Variants in ANO2 observed in about 807,000 individuals in gnomAD.
ANO2 encodes anoctamin 2.
Under a neutral mutation model 124.2 loss-of-function variants are expected in ANO2, and 101 were observed. That is an observed-to-expected ratio of 0.81 (90% CI 0.69 to 0.96). The LOEUF (loss-of-function observed/expected upper bound fraction) is 0.96. Among genes scored for constraint, ANO2 ranks in the 40% least tolerant of loss-of-function variants. ANO2 has a pLI of 0.00. For synonymous variants in ANO2, 486 were observed against 482.5 expected (o/e 1.01, Z -0.09); for missense variants, 1,293 against 1,274.5 (o/e 1.01, Z -0.22).
intron 14 of ANO2, among the ~76,000 whole-genome samples, chr12:5,678,332 C>T (rs1016257487): frequency 1.3e-5 from 2 of 152,136 alleles, no homozygotes; most frequent in Non-Finnish European, 2.9e-5. Context: ...AAGGGCTGTC[C>T]AACCAGAGAT....
At chr12:5,802,471 GAGGC>G (rs1343071461) in intron 9 of ANO2, among the ~76,000 whole-genome samples, 3 of 152,214 alleles carry the variant, frequency 2.0e-5, no homozygotes, top group Non-Finnish European at 4.4e-5. Context: ...ACCTGCAGGG[GAGGC>G]AGGGAGGGAG....
At chr12:5,935,160 T>C (rs764505036) in intron 1 of ANO2, among the ~76,000 whole-genome samples, 4 of 152,226 alleles carry the variant, frequency 2.6e-5, no homozygotes, top group Non-Finnish European at 5.9e-5. Flanking sequence ...TCATATTGTA[T>C]AGACAGTGAG....
At chr12:5,924,626 T>C (rs1415380420) in intron 1 of ANO2, among the ~76,000 whole-genome samples, 1 of 152,212 alleles carries the variant, frequency 6.6e-6, no homozygotes, top group Non-Finnish European at 1.5e-5. Flanking sequence ...ACGCTGCCTT[T>C]CCTTTTGTTC....
chr12:5,847,256 C>G (rs1283656948), intron 4 of ANO2, among the ~76,000 whole-genome samples: 2 of 152,202 alleles, frequency 1.3e-5, no homozygotes, highest in Non-Finnish European at 2.9e-5. Context: ...TGCCTTCAAA[C>G]TTGAACTGAA....
intron 3 of ANO2, among the ~76,000 whole-genome samples, chr12:5,917,708 C>T (rs1941465794): frequency 6.6e-6 from 1 of 151,808 alleles, no homozygotes; most frequent in South Asian, 2.1e-4. Context: ...GCTGCGACTA[C>T]AGATGCGCAC....
At chr12:5,564,958 C>A (rs368292190) in intron 24 of ANO2, among the ~76,000 whole-genome samples, 21 of 152,106 alleles carry the variant, frequency 1.4e-4, no homozygotes, top group Admixed American at 8.5e-4. Flanking sequence ...ACCGGGGGCA[C>A]CCAGAGTGGG....
At chr12:5,699,964 G>T (rs574920776) in intron 14 of ANO2, among the ~76,000 whole-genome samples, 1 of 152,272 alleles carries the variant, frequency 6.6e-6, no homozygotes, top group African/African-American at 2.4e-5. Context: ...CCTACAAAAA[G>T]ACTTAGACTC....
chr12:5,618,840 C>T (rs772144854), intron 16 of ANO2, among the ~76,000 whole-genome samples: 3 of 152,188 alleles, frequency 2.0e-5, no homozygotes, highest in African/African-American at 4.8e-5. Flanking sequence ...TTGCTCACTG[C>T]CAAGTCTCTC....
chr12:5,783,263 C>A (rs1952454161), intron 10 of ANO2, among the ~76,000 whole-genome samples: 1 of 152,210 alleles, frequency 6.6e-6, no homozygotes, highest in Non-Finnish European at 1.5e-5. Flanking sequence ...AGGGTTTCAT[C>A]TTGTCAAGCA....
intron 14 of ANO2, among the ~76,000 whole-genome samples, chr12:5,711,323 C>T (rs1185231211): frequency 6.6e-6 from 1 of 152,030 alleles, no homozygotes; most frequent in Non-Finnish European, 1.5e-5. Flanking sequence ...GAGACTGGGA[C>T]CTCCCTCTGC....
At chr12:5,585,175 C>T (rs572607510) in intron 20 of ANO2, among the ~76,000 whole-genome samples, 19 of 151,912 alleles carry the variant, frequency 1.3e-4, no homozygotes, top group African/African-American at 4.1e-4. Context: ...AAGTAGAAGA[C>T]GCATAAGAAA....
intron 9 of ANO2, among the ~76,000 whole-genome samples, chr12:5,800,669 T>C (rs780882824): frequency 2.0e-5 from 3 of 152,220 alleles, no homozygotes; most frequent in Non-Finnish European, 4.4e-5. Flanking sequence ...GTCATGGTGA[T>C]GCCTTTTACT....
rs1947284631 is a variant in ANO2, at chr12:5,658,616, C to A, written c.1546-10815G>T. On this transcript the variant is annotated intron_variant, in intron 14 of 24. Coordinates refer to ENST00000682330, the MANE Select transcript of ANO2 (RefSeq NM_001364791.2). This position sits in a 1 kb window ranked among gnomAD's most constrained non-coding sequence, Gnocchi z 4.3. ...ATCATCATCATTATCATCATTAAATCATCATCAACATCAATATTATCATTG... is the reference window on the plus strand; with the variant it reads ...ATCATCATCATTATCATCATTAAATAATCATCAACATCAATATTATCATTG... Among the ~76,000 whole-genome samples, 2 of 151,652 alleles carry A rather than the reference C, an allele frequency of 1.3e-5. No individual in the cohort carries two copies. Among genetic ancestry groups the A allele is most frequent in the Admixed American group, 1.3e-4 (2 of 15,212 alleles).
intron 14 of ANO2, among the ~76,000 whole-genome samples, chr12:5,694,329 A>C (rs1444583145): frequency 6.6e-6 from 1 of 151,228 alleles, no homozygotes; most frequent in Non-Finnish European, 1.5e-5. Context: ...GCTAGAGGAG[A>C]GAGAAGGAGA....
chr12:5,647,484 A>G (rs144420826), intron 15 of ANO2, among the ~76,000 whole-genome samples: 6 of 152,270 alleles, frequency 3.9e-5, no homozygotes, highest in South Asian at 4.2e-4. Context: ...TCCTTCTCCA[A>G]GTTTTTGGTC....
chr12:5,665,909 A>G (rs1947690496), intron 14 of ANO2, among the ~76,000 whole-genome samples: 1 of 152,046 alleles, frequency 6.6e-6, no homozygotes, highest in African/African-American at 2.4e-5. Flanking sequence ...AATGAGCTCA[A>G]ATCATAACAA....
At chr12:5,875,144 T>C (rs1255209378) in intron 3 of ANO2, among the ~76,000 whole-genome samples, 1 of 152,200 alleles carries the variant, frequency 6.6e-6, no homozygotes, top group Non-Finnish European at 1.5e-5. Context: ...TCTGTGTCTT[T>C]TACCTGTTGA....
chr12:5,778,294 A>C lies in ANO2; in HGVS notation c.1055+21213T>G, dbSNP rs573689879. ...ACAGAGAAGTTAAATGAGTATTATAAAGCTAGGAAATAATGGAAAACTAGG... is the reference window on the plus strand; with the variant it reads ...ACAGAGAAGTTAAATGAGTATTATACAGCTAGGAAATAATGGAAAACTAGG... On this transcript the variant is annotated intron_variant, in intron 10 of 24. Transcript: ENST00000682330. Among the ~76,000 whole-genome samples, 75 of 152,364 alleles carry C rather than the reference A, an allele frequency of 4.9e-4. 3 individuals are homozygous for C. The South Asian group carries it at 0.016, about 32-fold the overall frequency.
intron 22 of ANO2, 124 bp downstream of exon 22, chr12:5,577,831 T>C: frequency 1.1e-6 from 1 of 946,088 alleles, no homozygotes; most frequent in Non-Finnish European, 1.6e-6. Flanking sequence ...CAGAGCACTG[T>C]CACCAATAAA....
Sources: allele counts gnomAD v4.1 joint callset (sites outside exome capture counted in the v4.1 genomes callset), GRCh38; gene constraint gnomAD v4.1.1; non-coding constraint Gnocchi (gnomAD v3.1); transcripts MANE v1.5; gene names NCBI Gene and HGNC (gene_info 2026-07-23, HGNC 2026-07-21).